GABRR3: variants seen among roughly 807,000 people sequenced by gnomAD.
GABRR3 encodes the protein gamma-aminobutyric acid type A receptor subunit rho3.
In GABRR3, 29 loss-of-function variants were observed where a neutral mutation model predicts 43.2. That is an observed-to-expected ratio of 0.67 (90% CI 0.50 to 0.92). The LOEUF (loss-of-function observed/expected upper bound fraction) is 0.92. GABRR3 is among the 40% of genes least tolerant of loss of function. The pLI is 0.00. For missense variants in GABRR3, 576 were observed against 572.3 expected, an observed-to-expected ratio of 1.01 and a Z score of -0.07; for synonymous variants, 206 against 195.9, an observed-to-expected ratio of 1.05 and a Z score of -0.43.
chr3:98,033,403 A>G (rs565091704), intron 2 of GABRR3, among the ~76,000 whole-genome samples: 2 of 152,282 alleles, frequency 1.3e-5, no homozygotes, highest in South Asian at 4.1e-4. Context: ...AAAATGAGGC[A>G]TTTAACATCA....
At position 98,014,295 on chromosome 3, in the gene GABRR3, C is replaced by T. The variant is rs186774855; in HGVS notation, c.307-1728G>A. 2.0e-4 allele frequency among the ~76,000 whole-genome samples: 30 copies of T among 152,170 alleles called. No homozygotes were observed. In the East Asian group the frequency reaches 2.1e-3, roughly 11 times the overall value. ...TCATTCAGAAATGACTTGAATAATA[C>T]GCCAGGAGAGGGGAAATAAAAGCTT... is the stretch of plus-strand genomic sequence containing the variant. On this transcript the variant is annotated intron_variant, in intron 4 of 9. Transcript: ENST00000621172.
intron 2 of GABRR3, among the ~76,000 whole-genome samples, chr3:98,026,297 T>C (rs965731279): frequency 2.0e-5 from 3 of 152,070 alleles, no homozygotes; most frequent in Non-Finnish European, 4.4e-5. Context: ...TGAAGCCAGG[T>C]CAAATTGTGA....
chr3:97,999,163 A>T (rs1251960334), intron 8 of GABRR3: 1 of 152,162 alleles, frequency 6.6e-6, no homozygotes, highest in East Asian at 1.9e-4. Context: ...TTATTAAGAC[A>T]CCAACAGTAT....
chr3:98,017,519 T>A, intron 4 of GABRR3, 136 bp downstream of exon 4: 1 of 680,042 alleles, frequency 1.5e-6, no homozygotes, highest in South Asian at 1.6e-5. Context: ...ACAGCAATCA[T>A]GACCCTATGA....
chr3:98,019,160 A>C (rs1353076930), intron 3 of GABRR3, among the ~76,000 whole-genome samples: 1 of 152,060 alleles, frequency 6.6e-6, no homozygotes, highest in East Asian at 1.9e-4. Flanking sequence ...AAAACAAAAG[A>C]AAAGAAGATA....
At chr3:98,004,176 T>C (rs555716221) in intron 7 of GABRR3, among the ~76,000 whole-genome samples, 19 of 152,290 alleles carry the variant, frequency 1.2e-4, no homozygotes, top group African/African-American at 4.6e-4. Flanking sequence ...AAGTAGGCCT[T>C]AATACTCTCT....
At chr3:97,994,140 C>T (rs1706506216) in intron 8 of GABRR3, among the ~76,000 whole-genome samples, 1 of 152,218 alleles carries the variant, frequency 6.6e-6, no homozygotes, top group African/African-American at 2.4e-5. Flanking sequence ...GTAATGTCAA[C>T]AGACAGAGTC....
chr3:98,016,699 C>T (rs1029603228), intron 4 of GABRR3, among the ~76,000 whole-genome samples: 2 of 151,952 alleles, frequency 1.3e-5, no homozygotes, highest in African/African-American at 2.4e-5. Context: ...ATTAATAGAT[C>T]AAGAGTGAGT....
At chr3:98,000,708 A>C (rs1290575177) in intron 8 of GABRR3, 1 of 152,150 alleles carries the variant, frequency 6.6e-6, no homozygotes, top group Non-Finnish European at 1.5e-5. Context: ...AATTACAATA[A>C]TTGTAACAAT....
At chr3:98,023,257 A>G (rs966428177) in intron 3 of GABRR3, among the ~76,000 whole-genome samples, 2 of 152,174 alleles carry the variant, frequency 1.3e-5, no homozygotes, top group African/African-American at 2.4e-5. Context: ...CATGGCCTCA[A>G]ATAATCTCCA....
chr3:97,993,083 T>C (rs754927017), intron 8 of GABRR3, 35 bp from the exon 9 acceptor site: 15 of 1,494,250 alleles, frequency 1.0e-5, no homozygotes, highest in Admixed American at 9.9e-5. Flanking sequence ...CTCAGTGATA[T>C]AGCCATTCAT....
chr3:98,007,128 T>C (rs750083649), intron 7 of GABRR3, among the ~76,000 whole-genome samples: 6 of 152,042 alleles, frequency 3.9e-5, no homozygotes, highest in Non-Finnish European at 7.4e-5. Flanking sequence ...TGATGGTAAG[T>C]GCTGTGATGA....
intron 8 of GABRR3, chr3:97,997,487 A>T (rs1706576957): frequency 6.6e-6 from 1 of 152,226 alleles, no homozygotes; most frequent in South Asian, 2.1e-4. Flanking sequence ...ATAAAAAAAG[A>T]CATAACACTT....
intron 3 of GABRR3, among the ~76,000 whole-genome samples, chr3:98,023,818 C>G (rs1254324480): frequency 2.0e-5 from 3 of 152,174 alleles, no homozygotes; most frequent in African/African-American, 7.2e-5. Flanking sequence ...TGCTGATCAC[C>G]TAATACAGTG....
In GABRR3 at chr3:98,001,481, C is replaced by T; in HGVS notation, c.907+134G>A. The T allele has an allele frequency of 4.3e-6, 4 of 924,684 alleles. No individual in the cohort carries two copies. In the East Asian group the frequency reaches 1.1e-4, roughly 24 times the overall value. 57.3% of individuals were successfully genotyped at this position (924,684 alleles called of 1,614,324 possible). ...CTTGAGGATGTCAAGATCGATACTG[C>T]AACCTGGATGTTCATCTCTGACTAT... is the stretch of plus-strand genomic sequence containing the variant. On this transcript the variant is annotated intron_variant, in intron 8 of 9. Coordinates refer to ENST00000621172, the Ensembl canonical transcript of GABRR3.
chr3:97,986,523 T>C, downstream of GABRR3: 1 of 551,112 alleles, frequency 1.8e-6, no homozygotes, highest in Non-Finnish European at 3.1e-6. Flanking sequence ...GGACCTAAAC[T>C]CTTTCTTAGA....
At chr3:98,003,956 T>C (rs1015263162) in intron 7 of GABRR3, among the ~76,000 whole-genome samples, 3 of 152,188 alleles carry the variant, frequency 2.0e-5, no homozygotes, top group Non-Finnish European at 4.4e-5. Context: ...TTTTGGCATC[T>C]GAACTAAATT....
At chr3:98,022,919 GA>G (rs1337076470) in intron 3 of GABRR3, among the ~76,000 whole-genome samples, 1 of 152,098 alleles carries the variant, frequency 6.6e-6, no homozygotes, top group African/African-American at 2.4e-5. Flanking sequence ...AAGCACAGTG[GA>G]AATTTCAGGT....
At chr3:98,012,611 G>A in intron 4 of GABRR3, 44 bp from the exon 5 acceptor site, 1 of 1,386,550 alleles carries the variant, frequency 7.2e-7, no homozygotes, top group Non-Finnish European at 1.0e-6. Context: ...GTAGGAATAT[G>A]GTTCAGGATG....
Sources: gnomAD v4.1 joint callset for allele counts (sites outside exome capture counted in the v4.1 genomes callset) on GRCh38, gnomAD v4.1.1 for gene constraint, MANE v1.5 for transcripts, NCBI Gene and HGNC (gene_info 2026-07-23, HGNC 2026-07-21) for gene names.